MMP24: variants seen among roughly 807,000 people sequenced by gnomAD.
MMP24 encodes the protein matrix metalloproteinase-24.
A neutral mutation model predicts 62.8 loss-of-function variants in MMP24; 25 were observed. The ratio of observed to expected loss-of-function variants is 0.40; its 90% CI spans 0.29 to 0.56. The LOEUF (loss-of-function observed/expected upper bound fraction) is 0.56. Ranked by LOEUF, MMP24 falls within the 20% of genes least tolerant of loss-of-function variation. MMP24 has a pLI of 0.50. For synonymous variants in MMP24, 319 were observed against 350.5 expected (o/e 0.91, Z 1.00); for missense variants, 634 against 853.6 (o/e 0.74, Z 3.21).
At position 35,274,677 on chromosome 20, in the gene MMP24, G is replaced by A; in HGVS notation, c.*68G>A. On this transcript the variant is annotated 3_prime_UTR_variant, in exon 9 of 9. Transcript: ENST00000246186. This position sits in a 1 kb window ranked among gnomAD's most constrained non-coding sequence, Gnocchi z 5.1. ...GCCCTTCCTCACCAGGGTCTGAGGG[G>A]CAGCTCTGGCCAGTGCTCACCAGGG... 7.3e-7 allele frequency: 1 copy of A among 1,374,940 alleles called. No individual in the cohort carries two copies. The highest frequency in any genetic ancestry group is 1.4e-5 in the African/African-American group (1 of 69,408). 85.2% of individuals were successfully genotyped at this position (1,374,940 alleles called of 1,614,324 possible).
rs553232191 is a variant in MMP24, at chr20:35,276,479, G to A, written c.*1870G>A. ...ATGAAGCACAGAGAGGTTGTTACTT[G>A]CCCGGGCCATCCAGTGGGCTGGCTG... On this transcript the variant is annotated 3_prime_UTR_variant, in exon 9 of 9. Coordinates refer to ENST00000246186, the MANE Select transcript of MMP24 (RefSeq NM_006690.4). The A allele has an allele frequency of 7.6e-5, 30 of 395,170 alleles. No homozygotes were observed. The East Asian group carries it at 9.3e-4, about 12-fold the overall frequency. 24.5% of individuals were successfully genotyped at this position (395,170 alleles called of 1,614,324 possible). A position where few individuals can be genotyped will look rare whatever the true frequency, so the allele number is the denominator to read the frequency against.
rs1244016854 is a variant in MMP24 at position 35,274,214 on chromosome 20, C to T, written c.1601-58C>T. The T allele has an allele frequency of 8.0e-6, 12 of 1,503,064 alleles. No individual in the cohort carries two copies. Among genetic ancestry groups the T allele is most frequent in the African/African-American group, 1.4e-5 (1 of 73,166 alleles). The allele number at this position is 1,503,064 out of a possible 1,614,324, so 93.1% of individuals were successfully genotyped here. ...TGCCTGTGCCCTCCTTTTCACACTGCCCCAGAGCAGGTGCCGGAAGTGTCT... is the reference window on the plus strand; with the variant it reads ...TGCCTGTGCCCTCCTTTTCACACTGTCCCAGAGCAGGTGCCGGAAGTGTCT... On this transcript the variant is annotated intron_variant, in intron 8 of 8. Transcript: ENST00000246186. The surrounding 1 kb of genome is among the most constrained non-coding windows in gnomAD (Gnocchi z 5.1).
chr20:35,274,729 A>C lies in MMP24; in HGVS notation c.*120A>C. The C allele has an allele frequency of 1.1e-6, 1 of 881,930 alleles. No homozygotes were observed. The highest frequency in any genetic ancestry group is 1.7e-6 in the Non-Finnish European group (1 of 585,490). The allele number at this position is 881,930 out of a possible 1,614,324, so 54.6% of individuals were successfully genotyped here. A position where few individuals can be genotyped will look rare whatever the true frequency, so the allele number is the denominator to read the frequency against. ...CAGCAGGGCCCTAGGCTGGGGTCGT[A>C]CAGCTGAAGTGGTGGGTGCATTGGC... On this transcript the variant is annotated 3_prime_UTR_variant, in exon 9 of 9. Coordinates refer to ENST00000246186, the MANE Select transcript of MMP24 (RefSeq NM_006690.4). The surrounding 1 kb of genome is among the most constrained non-coding windows in gnomAD (Gnocchi z 5.1).
intron 2 of MMP24, among the ~76,000 whole-genome samples, chr20:35,248,305 C>CT (rs1568613414): frequency 2.7e-5 from 4 of 146,224 alleles, no homozygotes; most frequent in African/African-American, 8.1e-5. Context: ...ATTCCCCCCC[C>CT]CTTTTTTTTT....
intron 4 of MMP24, among the ~76,000 whole-genome samples, chr20:35,258,819 G>A (rs936788664): frequency 2.0e-5 from 3 of 151,436 alleles, no homozygotes; most frequent in Non-Finnish European, 4.4e-5. Flanking sequence ...CAACAAAAAA[G>A]ATTGCCTACG....
chr20:35,249,592 CTT>C (rs573444436), intron 2 of MMP24, among the ~76,000 whole-genome samples: 17 of 143,812 alleles, frequency 1.2e-4, no homozygotes, highest in African/African-American at 1.3e-4. Flanking sequence ...ATAATAATTT[CTT>C]TTTTTTTTTT....
chr20:35,228,116 T>G (rs1299241456), intron 1 of MMP24, among the ~76,000 whole-genome samples: 1 of 152,138 alleles, frequency 6.6e-6, no homozygotes, highest in Non-Finnish European at 1.5e-5. Context: ...GGCAGTCTGT[T>G]TGTTTAGAAG....
At chr20:35,261,966 A>G (rs2060605795) in intron 4 of MMP24, among the ~76,000 whole-genome samples, 1 of 151,764 alleles carries the variant, frequency 6.6e-6, no homozygotes, top group African/African-American at 2.4e-5. Context: ...ATATCTGGCT[A>G]ATTTTTGGTA....
chr20:35,274,688 C>A lies in MMP24; in HGVS notation c.*79C>A. On this transcript the variant is annotated 3_prime_UTR_variant, in exon 9 of 9. Transcript: ENST00000246186. This position sits in a 1 kb window ranked among gnomAD's most constrained non-coding sequence, Gnocchi z 5.1. ...CCAGGGTCTGAGGGGCAGCTCTGGCCAGTGCTCACCAGGGCCAGCAGGGCC... is the reference window on the plus strand; with the variant it reads ...CCAGGGTCTGAGGGGCAGCTCTGGCAAGTGCTCACCAGGGCCAGCAGGGCC... 1 of 1,254,924 alleles carries A rather than the reference C, an allele frequency of 8.0e-7. No individual in the cohort carries two copies. The highest frequency in any genetic ancestry group is 1.1e-6 in the Non-Finnish European group (1 of 911,724). 77.7% of individuals were successfully genotyped at this position (1,254,924 alleles called of 1,614,324 possible). A position where few individuals can be genotyped will look rare whatever the true frequency, so the allele number is the denominator to read the frequency against.
At position 35,264,070 on chromosome 20, in the gene MMP24, TTC is replaced by T. The variant is rs146920730; in HGVS notation, c.979+122_979+123del. The T allele has an allele frequency of 1.9e-5, 22 of 1,159,028 alleles. No individual in the cohort carries two copies. The East Asian group carries it at 3.7e-4, about 19-fold the overall frequency. 71.8% of individuals were successfully genotyped at this position (1,159,028 alleles called of 1,614,324 possible). A position where few individuals can be genotyped will look rare whatever the true frequency, so the allele number is the denominator to read the frequency against. ...TTGCTATCATCAGCACTGCTGCTGT[TTC>T]TCTGTGTGTGACCTTTACAGACTTC... On this transcript the variant is annotated intron_variant, in intron 5 of 8. Transcript: ENST00000246186.
Position 35,263,968 on chromosome 20 carries a change from A to AG in MMP24, c.979+22dup, listed in dbSNP as rs775846439. Reference sequence around the variant, plus strand: ...AAGATCTATGGTGTGTGGCAGGGAGAGGGGGGACTGCTCCTTCCTCGGGGC... The same window carrying AG: ...AAGATCTATGGTGTGTGGCAGGGAGAGGGGGGGACTGCTCCTTCCTCGGGGC... On this transcript the variant is annotated intron_variant, in intron 5 of 8. Coordinates refer to ENST00000246186, the MANE Select transcript of MMP24 (RefSeq NM_006690.4). The AG allele has an allele frequency of 1.9e-6, 3 of 1,585,664 alleles. No homozygotes were observed. Among genetic ancestry groups the AG allele is most frequent in the South Asian group, 2.3e-5 (2 of 87,456 alleles).
Position 35,274,965 on chromosome 20 carries a change from G to A in MMP24, c.*356G>A, listed in dbSNP as rs1458897290. 3.8e-6 allele frequency: 1 copy of A among 263,752 alleles called. No individual in the cohort carries two copies. The highest frequency in any genetic ancestry group is 4.9e-5 in the Admixed American group (1 of 20,328). The allele number at this position is 263,752 out of a possible 1,614,324, so 16.3% of individuals were successfully genotyped here. A position where few individuals can be genotyped will look rare whatever the true frequency, so the allele number is the denominator to read the frequency against. On this transcript the variant is annotated 3_prime_UTR_variant, in exon 9 of 9. Transcript: ENST00000246186. The surrounding 1 kb of genome is among the most constrained non-coding windows in gnomAD (Gnocchi z 5.1). ...AGGTACCACAGCTCCACTCCTGGCT[G>A]GAACCCAGCACCCTCTGTGGGAAGC...
At chr20:35,235,991 G>T (rs144826020) in intron 1 of MMP24, 1 of 152,354 alleles carries the variant, frequency 6.6e-6, no homozygotes. Context: ...ACCTCCCCGG[G>T]TATGGTGATC....
At position 35,271,723 on chromosome 20, in the gene MMP24, C is replaced by T. The variant is rs780454852; in HGVS notation, c.1488C>T (p.Tyr496=). ...CCTACTTTTTCAAAGGCGAGCGGTA[C>T]TGGCGCTACAGCGAGGAGCGGCGGG... ...GKTYFFKGER[Y]WRYSEERRAT... Residue 496 remains tyrosine (Y), a synonymous_variant, in exon 8 of 9, where the codon TAC becomes TAT. Coordinates refer to ENST00000246186, the MANE Select transcript of MMP24 (RefSeq NM_006690.4). This position sits in a 1 kb window ranked among gnomAD's most constrained non-coding sequence, Gnocchi z 4.0. 1.2e-6 allele frequency: 2 copies of T among 1,606,794 alleles called. No individual in the cohort carries two copies. The highest frequency in any genetic ancestry group is 1.7e-5 in the Admixed American group (1 of 58,702).
intron 1 of MMP24, among the ~76,000 whole-genome samples, chr20:35,228,584 T>C (rs1164840156): frequency 2.0e-5 from 3 of 152,192 alleles, no homozygotes; most frequent in African/African-American, 7.2e-5. Flanking sequence ...AGCCATTTCC[T>C]TGCCCTCTCT....
intron 1 of MMP24, among the ~76,000 whole-genome samples, chr20:35,227,840 C>T (rs1351695397): frequency 6.6e-6 from 1 of 152,134 alleles, no homozygotes; most frequent in Admixed American, 6.5e-5. Context: ...ACTCAAAGAG[C>T]TTAAGTAACT....
intron 7 of MMP24, among the ~76,000 whole-genome samples, chr20:35,270,168 C>T (rs988093241): frequency 6.6e-6 from 1 of 151,472 alleles, no homozygotes; most frequent in South Asian, 2.1e-4. Flanking sequence ...GGGAGGCCAT[C>T]GGGTCAGTTC....
At position 35,275,709 on chromosome 20, in the gene MMP24, ACT is replaced by A; in HGVS notation, c.*1103_*1104del. 3.9e-6 allele frequency: 1 copy of A among 255,512 alleles called. No homozygotes were observed. Among genetic ancestry groups the A allele is most frequent in the Non-Finnish European group, 7.4e-6 (1 of 136,052 alleles). 15.8% of individuals were successfully genotyped at this position (255,512 alleles called of 1,614,324 possible). On this transcript the variant is annotated 3_prime_UTR_variant, in exon 9 of 9. Transcript: ENST00000246186. ...GTCTGAAGTGCTCAGTGCCCCCACTACTCTGAGGCCGACTCCAGCTACTCTGA... is the reference window on the plus strand; with the variant it reads ...GTCTGAAGTGCTCAGTGCCCCCACTACTGAGGCCGACTCCAGCTACTCTGA...
chr20:35,250,549 C>T (rs1285613399), intron 2 of MMP24, among the ~76,000 whole-genome samples: 3 of 147,730 alleles, frequency 2.0e-5, no homozygotes, highest in African/African-American at 5.1e-5. Context: ...GGCAACAGAG[C>T]GAGACTCTGT....
Sources: gnomAD v4.1 joint callset for allele counts (sites outside exome capture counted in the v4.1 genomes callset) on GRCh38, gnomAD v4.1.1 for gene constraint, Gnocchi (gnomAD v3.1) non-coding constraint, MANE v1.5 for transcripts, NCBI Gene and HGNC (gene_info 2026-07-23, HGNC 2026-07-21) for gene names.